ENAM: variants seen among roughly 807,000 people sequenced by gnomAD.
The protein encoded by ENAM is enamelin, also known as amelogenesis imperfecta 2, hypocalcification (autosomal dominant).
ENAM carries 21 observed loss-of-function variants against 33.6 expected under a neutral mutation model. The ratio of observed to expected loss-of-function variants is 0.63; its 90% CI spans 0.44 to 0.90. ENAM has a LOEUF of 0.90. Among genes scored for constraint, ENAM ranks in the 40% least tolerant of loss-of-function variants. The pLI is 0.00. For synonymous variants in ENAM, 473 were observed against 468.4 expected, an observed-to-expected ratio of 1.01 and a Z score of -0.13; for missense variants, 1,388 against 1,366.9, an observed-to-expected ratio of 1.02 and a Z score of -0.24.
At chr4:70,633,674 AT>A (rs1390001780) in intron 5 of ENAM, among the ~76,000 whole-genome samples, 3 of 152,180 alleles carry the variant, frequency 2.0e-5, no homozygotes, top group Non-Finnish European at 2.9e-5. Flanking sequence ...AGAAATTAGC[AT>A]TTTTATAAAT....
chr4:70,644,076 G>C lies in ENAM; in HGVS notation c.2650G>C (p.Asp884His), dbSNP rs764163368. 3 of 1,613,896 alleles carry C rather than the reference G, an allele frequency of 1.9e-6. No homozygotes were observed. Among genetic ancestry groups the C allele is most frequent in the South Asian group, 2.2e-5 (2 of 91,068 alleles). The part of the protein sequence containing the change: ...CCAGSSTGPK[D>H]NPLALQDYTP... Reference sequence around the variant, plus strand: ...TGCTGGTAGCTCCACAGGGCCCAAGGACAATCCACTAGCTCTACAAGACTA... The same window carrying C: ...TGCTGGTAGCTCCACAGGGCCCAAGCACAATCCACTAGCTCTACAAGACTA... The change falls in exon 9 of 9, where the codon GAC becomes CAC. Residue 884 changes from aspartate to histidine, a missense_variant. Asp to His is a moderately conservative substitution (Grantham distance 81). Coordinates refer to ENST00000396073, the MANE Select transcript of ENAM (RefSeq NM_031889.3).
chr4:70,643,732 G>A lies in ENAM; in HGVS notation c.2306G>A (p.Arg769Lys), dbSNP rs766044001. ...LFPSRNSWDHRIQAQGQRERR... is the reference protein window; with the variant it reads ...LFPSRNSWDHKIQAQGQRERR... ...CCTTCACGGAATTCCTGGGACCACA[G>A]GATACAAGCCCAAGGGCAGAGAGAA... Residue 769 changes from arginine (R) to lysine (K), a missense_variant, in exon 9 of 9, where the codon AGG becomes AAG. Physicochemically the swap from Arg to Lys is conservative, Grantham distance 26. Transcript: ENST00000396073. 2 of 1,614,122 alleles carry A rather than the reference G, an allele frequency of 1.2e-6. No homozygotes were observed. The highest frequency in any genetic ancestry group is 3.3e-5 in the Admixed American group (2 of 60,020).
chr4:70,642,375 C>T lies in ENAM; in HGVS notation c.949C>T (p.Arg317Cys), dbSNP rs564877872. 1.1e-5 allele frequency: 18 copies of T among 1,614,114 alleles called. No homozygotes were observed. In the South Asian group the frequency reaches 1.8e-4, roughly 16 times the overall value. Residue 317 changes from arginine (R) to cysteine (C), a missense_variant, in exon 9 of 9, where the codon CGT becomes TGT. Physicochemically the swap from Arg to Cys is radical, Grantham distance 180 (BLOSUM62 -3). Coordinates refer to ENST00000396073, the MANE Select transcript of ENAM (RefSeq NM_031889.3). ...ATGGAGACCAAGTCAGCCAAATATT[C>T]GTGAAAATCATCCATATCCTAATAT... ...IPWRPSQPNI[R>C]ENHPYPNIRN...
In ENAM at chr4:70,644,826, G is replaced by C. The variant is rs200396980; in HGVS notation, c.3400G>C (p.Val1134Leu). The change falls in exon 9 of 9, where the codon GTA becomes CTA. Residue 1134 changes from valine to leucine, a missense_variant. Coordinates refer to ENST00000396073, the MANE Select transcript of ENAM (RefSeq NM_031889.3). ...AAGAGGGACCAATGTACAGGACCAG[G>C]TACAAGACTGCTTACTACTTCAGGC... ...LQRGTNVQDQVQDCLLLQA is the reference protein window; with the variant it reads ...LQRGTNVQDQLQDCLLLQA 6.2e-7 allele frequency: 1 copy of C among 1,614,010 alleles called. No homozygotes were observed. The highest frequency in any genetic ancestry group is 2.2e-5 in the East Asian group (1 of 44,880).
Position 70,643,180 on chromosome 4 carries a change from A to G in ENAM, c.1754A>G (p.Glu585Gly). 2 of 1,614,018 alleles carry G rather than the reference A, an allele frequency of 1.2e-6. No individual in the cohort carries two copies. The highest frequency in any genetic ancestry group is 1.7e-6 in the Non-Finnish European group (2 of 1,179,972). Residue 585 changes from glutamate (E) to glycine (G), a missense_variant, in exon 9 of 9, where the codon GAA becomes GGA. Coordinates refer to ENST00000396073, the MANE Select transcript of ENAM (RefSeq NM_031889.3). ...AAGGAAGATCCAGGGAGGCAAGAAG[A>G]ACATTTACCCCATCCTTCCCATGGT... ...PFKEDPGRQE[E>G]HLPHPSHGSR... is the part of the protein sequence containing the mutation.
In ENAM at chr4:70,642,348, C is replaced by T; in HGVS notation, c.922C>T (p.Pro308Ser). Reference protein sequence around the residue: ...SGQGGPGSQIPWRPSQPNIRE... With the variant: ...SGQGGPGSQISWRPSQPNIRE... ...CCAGGGAGGGCCAGGAAGTCAAATC[C>T]CATGGAGACCAAGTCAGCCAAATAT... The change falls in exon 9 of 9, where the codon CCA (proline) becomes TCA (serine). Residue 308 changes from proline to serine, a missense_variant. Transcript: ENST00000396073. 6.2e-7 allele frequency: 1 copy of T among 1,614,158 alleles called. No individual in the cohort carries two copies. Among genetic ancestry groups the T allele is most frequent in the African/African-American group, 1.3e-5 (1 of 75,040 alleles).
rs372602152 is a variant in ENAM at position 70,640,128 on chromosome 4, A to G, written c.589-1887A>G. 1.4e-4 allele frequency among the ~76,000 whole-genome samples: 22 copies of G among 152,376 alleles called. No homozygotes were observed. The South Asian group carries it at 3.5e-3, about 24-fold the overall frequency. On this transcript the variant is annotated intron_variant, in intron 8 of 8. Coordinates refer to ENST00000396073, the MANE Select transcript of ENAM (RefSeq NM_031889.3). Reference sequence around the variant, plus strand: ...TAAATCATTCATTAAATGAAAATTTATTAAGAACATCCCACTCTCCTCGGT... The same window carrying G: ...TAAATCATTCATTAAATGAAAATTTGTTAAGAACATCCCACTCTCCTCGGT...
chr4:70,639,640 C>T (rs1261862115), intron 8 of ENAM, among the ~76,000 whole-genome samples: 1 of 152,140 alleles, frequency 6.6e-6, no homozygotes, highest in Non-Finnish European at 1.5e-5. Context: ...CAATGGCTCA[C>T]ACCTGTAATC....
In ENAM at chr4:70,644,826, G is replaced by T. The variant is rs200396980; in HGVS notation, c.3400G>T (p.Val1134Leu). 4.6e-4 allele frequency: 738 copies of T among 1,614,008 alleles called. 9 individuals are homozygous for T. In the South Asian group the frequency reaches 6.9e-3, roughly 15 times the overall value. Reference protein sequence around the residue: ...LQRGTNVQDQVQDCLLLQA With the variant: ...LQRGTNVQDQLQDCLLLQA ...AAGAGGGACCAATGTACAGGACCAG[G>T]TACAAGACTGCTTACTACTTCAGGC... The change falls in exon 9 of 9, where the codon GTA (valine) becomes TTA (leucine). Residue 1134 changes from valine to leucine, a missense_variant. Physicochemically the swap from Val to Leu is conservative, Grantham distance 32. Transcript: ENST00000396073.
At chr4:70,631,292 T>C (rs1738311080) in intron 2 of ENAM, among the ~76,000 whole-genome samples, 1 of 152,158 alleles carries the variant, frequency 6.6e-6, no homozygotes, top group Non-Finnish European at 1.5e-5. Flanking sequence ...AACTAGTAAC[T>C]AGAAACTCAA....
rs1235134199 is a variant in ENAM at position 70,629,453 on chromosome 4, T to A, written c.-48T>A. On this transcript the variant is annotated 5_prime_UTR_variant, in exon 2 of 9. Transcript: ENST00000396073. ...TTCTATATTTTAGTTTCTTCTCAGG[T>A]TAAAGCTGTATTTTTCTTAAAGGCT... The A allele has an allele frequency of 1.4e-6, 2 of 1,395,516 alleles. No homozygotes were observed. 86.4% of individuals were successfully genotyped at this position (1,395,516 alleles called of 1,614,324 possible).
At position 70,638,449 on chromosome 4, in the gene ENAM, C is replaced by CTTTTTTT. The variant is rs766513652; in HGVS notation, c.588+627_588+633dup. 1.7e-3 allele frequency among the ~76,000 whole-genome samples: 99 copies of CTTTTTTT among 58,906 alleles called. 18 individuals carry two copies. Among genetic ancestry groups the CTTTTTTT allele is most frequent in the African/African-American group, 5.3e-3 (66 of 12,362 alleles). The allele number at this position is 58,906 out of a possible 152,430, so 38.6% of individuals were successfully genotyped here. A position where few individuals can be genotyped will look rare whatever the true frequency, so the allele number is the denominator to read the frequency against. ...ACTGGAGAGTGGGCGACAGATTGTT[C>CTTTTTTT]TTTTTTTTTTTTTTTTTTTTTTTTT... On this transcript the variant is annotated intron_variant, in intron 8 of 8. Transcript: ENST00000396073.
chr4:70,633,428 A>C (rs756772194), intron 5 of ENAM, among the ~76,000 whole-genome samples: 4 of 152,058 alleles, frequency 2.6e-5, no homozygotes, highest in Middle Eastern at 3.2e-3. Flanking sequence ...AGTTTTAGTG[A>C]CTTTACCTGT....
In ENAM at chr4:70,642,068, T is replaced by G; in HGVS notation, c.642T>G (p.Tyr214Ter). 1 of 1,614,110 alleles carries G rather than the reference T, an allele frequency of 6.2e-7. No homozygotes were observed. Among genetic ancestry groups the G allele is most frequent in the Non-Finnish European group, 8.5e-7 (1 of 1,179,960 alleles). Residue 214 changes from tyrosine to a stop codon, truncating the protein, a stop_gained, in exon 9 of 9, where the codon TAT (tyrosine) becomes TAG (stop). Coordinates refer to ENST00000396073, the MANE Select transcript of ENAM (RefSeq NM_031889.3). LOFTEE classifies it low-confidence loss of function (END_TRUNC). ...ATGGCTTTGGGGGTCGCCCTCCTTATTATTCAGAAGAAATGTTTGAACAAG... is the reference window on the plus strand; with the variant it reads ...ATGGCTTTGGGGGTCGCCCTCCTTAGTATTCAGAAGAAATGTTTGAACAAG... ...GYHGFGGRPPYYSEEMFEQDF... is the reference protein window; with the variant it reads ...GYHGFGGRPP
Position 70,644,872 on chromosome 4 carries a change from C to G in ENAM, c.*17C>G. 1 of 1,604,842 alleles carries G rather than the reference C, an allele frequency of 6.2e-7. No homozygotes were observed. Among genetic ancestry groups the G allele is most frequent in the Non-Finnish European group, 8.5e-7 (1 of 1,171,676 alleles). On this transcript the variant is annotated 3_prime_UTR_variant, in exon 9 of 9. Coordinates refer to ENST00000396073, the MANE Select transcript of ENAM (RefSeq NM_031889.3). ...CAGGCCTAGGGGTTATCCAACCAAG[C>G]ATTCTTGGGGAAAGAGAAATCACTG...
intron 8 of ENAM, among the ~76,000 whole-genome samples, chr4:70,638,542 C>T (rs1274854259): frequency 6.9e-6 from 1 of 144,652 alleles, no homozygotes; most frequent in African/African-American, 2.6e-5. Flanking sequence ...CACCACTGCA[C>T]TCCAGCCTGG....
intron 1 of ENAM, 135 bp from the exon 2 acceptor site, chr4:70,629,299 TTAAAGCA>T (rs1738249195): frequency 1.7e-6 from 1 of 592,412 alleles, no homozygotes; most frequent in African/African-American, 1.9e-5. Flanking sequence ...CATCCTACTT[TTAAAGCA>T]ACAGAAGATT....
intron 6 of ENAM, among the ~76,000 whole-genome samples, chr4:70,635,395 T>A (rs941733769): frequency 6.6e-6 from 1 of 151,856 alleles, no homozygotes; most frequent in Non-Finnish European, 1.5e-5. Flanking sequence ...AAAAAGAAAA[T>A]ACTGGCTTTT....
At position 70,629,589 on chromosome 4, in the gene ENAM, A is replaced by C. The variant is rs546065827; in HGVS notation, c.54+35A>C. 2.0e-5 allele frequency: 29 copies of C among 1,470,382 alleles called. No homozygotes were observed. In the South Asian group the frequency reaches 3.1e-4, roughly 16 times the overall value. The allele number at this position is 1,470,382 out of a possible 1,614,324, so 91.1% of individuals were successfully genotyped here. On this transcript the variant is annotated intron_variant, in intron 2 of 8. Coordinates refer to ENST00000396073, the MANE Select transcript of ENAM (RefSeq NM_031889.3). ...TTCATTTATTTTTGCCAATACATAC[A>C]GGTTCTCAAACTAGATACTGTCAGA...
Sources: gnomAD v4.1 joint callset for allele counts (sites outside exome capture counted in the v4.1 genomes callset) on GRCh38, gnomAD v4.1.1 for gene constraint, MANE v1.5 for transcripts, NCBI Gene and HGNC (gene_info 2026-07-23, HGNC 2026-07-21) for gene names.